SLC17A1: variants seen among roughly 807,000 people sequenced by gnomAD.
The protein encoded by SLC17A1 is sodium-dependent phosphate transport protein 1.
A neutral mutation model predicts 53.5 loss-of-function variants in SLC17A1; 51 were observed. The ratio of observed to expected loss-of-function variants is 0.95; its 90% CI spans 0.76 to 1.20. The LOEUF is 1.20. Among genes scored for constraint, SLC17A1 ranks in the 50% most tolerant of loss-of-function variants. The pLI is 0.00. For synonymous variants in SLC17A1, 179 were observed against 198.8 expected, an observed-to-expected ratio of 0.90 and a Z score of 0.84; for missense variants, 538 against 568.2, an observed-to-expected ratio of 0.95 and a Z score of 0.54.
chr6:25,733,280 TG>T, the SLC17A1 span, among the ~76,000 whole-genome samples: 2 of 152,174 alleles, frequency 1.3e-5, no homozygotes, highest in African/African-American at 4.8e-5. Context: ...AATCATATTT[TG>T]GGGGTTGAAT....
the SLC17A1 span, chr6:25,726,874 A>G: frequency 5.1e-6 from 8 of 1,577,934 alleles, no homozygotes; most frequent in South Asian, 2.4e-5. Flanking sequence ...ACCCTGGAAA[A>G]GAACCGTGTA....
chr6:25,830,429 A>G, intron 2 of SLC17A1, 95 bp downstream of exon 2: 1 of 958,674 alleles, frequency 1.0e-6, no homozygotes, highest in Non-Finnish European at 1.7e-6. Flanking sequence ...TTAAGACCCC[A>G]TATGTATATC....
At chr6:25,806,891 A>C (rs529923850) in intron 10 of SLC17A1, among the ~76,000 whole-genome samples, 2 of 152,158 alleles carry the variant, frequency 1.3e-5, no homozygotes, top group Non-Finnish European at 2.9e-5. Flanking sequence ...ATCAAAAAAG[A>C]AAATATACAA....
Position 25,811,426 on chromosome 6 carries a change from A to G in SLC17A1, c.1150T>C (p.Phe384Leu). 1 of 1,613,744 alleles carries G rather than the reference A, an allele frequency of 6.2e-7. No homozygotes were observed. Among genetic ancestry groups the G allele is most frequent in the East Asian group, 2.2e-5 (1 of 44,878 alleles). The change falls in exon 10 of 13, where the codon TTT (phenylalanine) becomes CTT (leucine). Residue 384 changes from phenylalanine to leucine, a missense_variant. Coordinates refer to ENST00000244527, the MANE Select transcript of SLC17A1 (RefSeq NM_005074.5). ...GGAGCAATATCCAAGCCATTTATAAACACTCCACCCAAGCAAAAGCTGCCT... is the reference window on the plus strand; with the variant it reads ...GGAGCAATATCCAAGCCATTTATAAGCACTCCACCCAAGCAAAAGCTGCCT... ...ATGSFCLGGVFINGLDIAPRY... is the reference protein window; with the variant it reads ...ATGSFCLGGVLINGLDIAPRY...
At chr6:25,813,889 T>C (rs1764246450) in intron 6 of SLC17A1, among the ~76,000 whole-genome samples, 1 of 152,236 alleles carries the variant, frequency 6.6e-6, no homozygotes, top group Non-Finnish European at 1.5e-5. Flanking sequence ...CCCAGCTCCA[T>C]CCATTTCCCT....
In SLC17A1 at chr6:25,797,757, G is replaced by A. The variant is rs186671544; in HGVS notation, c.*2+1026C>T. 7.0e-3 allele frequency among the ~76,000 whole-genome samples: 1,063 copies of A among 151,918 alleles called. 9 individuals are homozygous for A. The highest frequency in any genetic ancestry group is 0.017 in the African/African-American group (716 of 41,422). On this transcript the variant is annotated intron_variant, in intron 12 of 12. Coordinates refer to ENST00000244527, the MANE Select transcript of SLC17A1 (RefSeq NM_005074.5). ...TGGGATTACAGGTGCCCACCACCGC[G>A]CCTGGCTAATTTTTGTATGTTTAGT...
chr6:25,781,746 T>G (rs991045043), downstream of SLC17A1, among the ~76,000 whole-genome samples: 1 of 152,026 alleles, frequency 6.6e-6, no homozygotes, highest in African/African-American at 2.4e-5. Flanking sequence ...GTAGGAATGA[T>G]CTCACTCACC....
At chr6:25,726,046 G>T in the SLC17A1 span, 2 of 1,252,840 alleles carry the variant, frequency 1.6e-6, no homozygotes, top group Non-Finnish European at 2.2e-6. Context: ...GTAACGTACA[G>T]CCTTTTTCTG....
Position 25,812,923 on chromosome 6 carries a change from T to C in SLC17A1, c.805A>G (p.Thr269Ala). 1.9e-6 allele frequency: 3 copies of C among 1,613,876 alleles called. No individual in the cohort carries two copies. The highest frequency in any genetic ancestry group is 2.5e-6 in the Non-Finnish European group (3 of 1,179,756). Residue 269 changes from threonine to alanine, a missense_variant, in exon 8 of 13, where the codon ACT becomes GCT. Transcript: ENST00000244527. The part of the protein sequence containing the change: ...LKSLPVWAIS[T>A]GSFTFFWSHN... ...GACCAGAAAAACGTAAAACTACCAG[T>C]GGAAATAGCCCAGACTGGAAGCGAC...
chr6:25,803,657 A>G (rs1156971530), intron 10 of SLC17A1, among the ~76,000 whole-genome samples: 7 of 152,150 alleles, frequency 4.6e-5, no homozygotes, highest in Non-Finnish European at 1.0e-4. Context: ...TGAGATTTTG[A>G]GCTCAAAATT....
intron 12 of SLC17A1, among the ~76,000 whole-genome samples, chr6:25,791,391 T>G (rs980788240): frequency 6.6e-6 from 1 of 152,210 alleles, no homozygotes; most frequent in East Asian, 1.9e-4. Context: ...GACCACTGAA[T>G]ATGTTGTAAA....
At chr6:25,778,600 C>T (rs73733807), downstream of SLC17A1, among the ~76,000 whole-genome samples, 1,687 of 152,206 alleles carry the variant, frequency 0.011, 16 homozygotes, top group Middle Eastern at 0.041. Context: ...AACACAATTC[C>T]TTCCCTTGTG....
intron 12 of SLC17A1, among the ~76,000 whole-genome samples, chr6:25,788,355 TG>T (rs1416254946): frequency 1.3e-5 from 2 of 152,150 alleles, no homozygotes; most frequent in Non-Finnish European, 2.9e-5. Flanking sequence ...GCATGACAGC[TG>T]GGGGAAAGCT....
intron 11 of SLC17A1, among the ~76,000 whole-genome samples, chr6:25,800,613 T>C (rs1205586054): frequency 6.6e-6 from 1 of 152,134 alleles, no homozygotes; most frequent in Non-Finnish European, 1.5e-5. Flanking sequence ...TGTTGATCAA[T>C]CCACATATTC....
the SLC17A1 span, among the ~76,000 whole-genome samples, chr6:25,758,406 ATTG>A: frequency 7.2e-5 from 11 of 152,208 alleles, no homozygotes; most frequent in Admixed American, 7.2e-4. Flanking sequence ...AAATTACATT[ATTG>A]TTGTAACACA....
At chr6:25,731,566 T>C in the SLC17A1 span, among the ~76,000 whole-genome samples, 6 of 152,308 alleles carry the variant, frequency 3.9e-5, no homozygotes, top group Non-Finnish European at 8.8e-5. Flanking sequence ...GGCTGTGAGA[T>C]TTTAGCTTTC....
downstream of SLC17A1, chr6:25,779,282 A>G (rs776274514): frequency 4.6e-6 from 7 of 1,533,002 alleles, no homozygotes; most frequent in East Asian, 2.3e-5. Context: ...CTGATAAGCC[A>G]TTAGCTAGAC....
At chr6:25,750,250 T>C in the SLC17A1 span, among the ~76,000 whole-genome samples, 1 of 152,210 alleles carries the variant, frequency 6.6e-6, no homozygotes, top group Non-Finnish European at 1.5e-5. Context: ...TAGAAATGAA[T>C]TTATAGGTAA....
the SLC17A1 span, among the ~76,000 whole-genome samples, chr6:25,769,557 T>TAA: frequency 2.2e-5 from 3 of 136,080 alleles, no homozygotes; most frequent in Non-Finnish European, 3.2e-5. Flanking sequence ...GATTCTGTCT[T>TAA]AAAAAAAAAA....
Sources: gnomAD v4.1 joint callset for allele counts (sites outside exome capture counted in the v4.1 genomes callset) on GRCh38, gnomAD v4.1.1 for gene constraint, MANE v1.5 for transcripts, NCBI Gene and HGNC (gene_info 2026-07-23, HGNC 2026-07-21) for gene names.